Variants in SORBS3 observed in about 807,000 individuals in gnomAD.
SORBS3 encodes vinexin.
A neutral mutation model predicts 98.0 loss-of-function variants in SORBS3; 69 were observed. That is an observed-to-expected ratio of 0.70 (90% CI 0.58 to 0.86). The LOEUF (loss-of-function observed/expected upper bound fraction) is 0.86. SORBS3 is among the 40% of genes least tolerant of loss of function. The pLI is 0.00. For missense variants in SORBS3, 954 were observed against 908.5 expected (o/e 1.05, Z -0.64); for synonymous variants, 394 against 355.4 (o/e 1.11, Z -1.22).
chr8:22,565,689 C>G (rs896963012), intron 11 of SORBS3, 137 bp from the exon 12 acceptor site: 1 of 1,213,750 alleles, frequency 8.2e-7, no homozygotes, highest in African/African-American at 1.6e-5. Flanking sequence ...CGGGATCGGC[C>G]GCGCGGGCGC....
Position 22,565,301 on chromosome 8 carries a change from G to C in SORBS3, c.850G>C (p.Ala284Pro). 1.3e-6 allele frequency: 2 copies of C among 1,558,466 alleles called. No homozygotes were observed. Among genetic ancestry groups the C allele is most frequent in the Non-Finnish European group, 8.7e-7 (1 of 1,151,496 alleles). ...LLERELAELS[A>P]ELDKDLRAIE... is the part of the protein sequence containing the mutation. ...GGAGAGAGAGCTGGCCGAGCTGAGC[G>C]CCGAGCTGGACAAGGACCTGCGGGC... is the stretch of plus-strand genomic sequence containing the variant. Residue 284 changes from alanine to proline, a missense_variant, in exon 11 of 21, where the codon GCC (alanine) becomes CCC (proline). Coordinates refer to ENST00000240123, the MANE Select transcript of SORBS3 (RefSeq NM_005775.5).
chr8:22,571,788 C>T lies in SORBS3; in HGVS notation c.1814C>T (p.Ser605Phe). Residue 605 changes from serine (S) to phenylalanine (F), a missense_variant, in exon 19 of 21, where the codon TCC (serine) becomes TTC (phenylalanine). Transcript: ENST00000240123. Reference sequence around the variant, plus strand: ...AGCCATCCCCTGGACCTGGGGACCTCCTCTCCTAACACCTCTCAGATACAC... The same window carrying T: ...AGCCATCCCCTGGACCTGGGGACCTTCTCTCCTAACACCTCTCAGATACAC... ...GPSHPLDLGTSSPNTSQIHWT... is the reference protein window; with the variant it reads ...GPSHPLDLGTFSPNTSQIHWT... 1 of 1,613,814 alleles carries T rather than the reference C, an allele frequency of 6.2e-7. No homozygotes were observed. Among genetic ancestry groups the T allele is most frequent in the South Asian group, 1.1e-5 (1 of 91,074 alleles).
At chr8:22,547,447 G>T (rs979606212), upstream of SORBS3, among the ~76,000 whole-genome samples, 1 of 152,142 alleles carries the variant, frequency 6.6e-6, no homozygotes, top group Non-Finnish European at 1.5e-5. Flanking sequence ...TAAGGCGAAG[G>T]TTCATCATAG....
At chr8:22,565,136 G>C (rs1372387413) in intron 10 of SORBS3, 132 bp from the exon 11 acceptor site, 12 of 1,472,184 alleles carry the variant, frequency 8.2e-6, no homozygotes, top group South Asian at 1.3e-5. Context: ...GCAGGAGCCC[G>C]GCCCGTGCGC....
chr8:22,548,750 C>T (rs535239271), upstream of SORBS3, among the ~76,000 whole-genome samples: 112 of 152,258 alleles, frequency 7.4e-4, no homozygotes, highest in African/African-American at 2.3e-3. Context: ...GAACTGAGTC[C>T]GGGTTCATGT....
In SORBS3 at chr8:22,565,359, C is replaced by T. The variant is rs1296324029; in HGVS notation, c.903+5C>T. 6.5e-7 allele frequency: 1 copy of T among 1,547,716 alleles called. No homozygotes were observed. Among genetic ancestry groups the T allele is most frequent in the African/African-American group, 1.4e-5 (1 of 72,748 alleles). On this transcript the variant is annotated splice_donor_5th_base_variant and intron_variant, in intron 11 of 20. Transcript: ENST00000240123. ...ACCCGACTGCCGTCCCCCAAGGTAC[C>T]AGCCCCCAGGGTTCACCCGCGGGGC...
chr8:22,569,134 C>T lies in SORBS3; in HGVS notation c.1306-14C>T. The T allele has an allele frequency of 1.9e-6, 3 of 1,594,214 alleles. No individual in the cohort carries two copies. Among genetic ancestry groups the T allele is most frequent in the Non-Finnish European group, 2.6e-6 (3 of 1,169,518 alleles). On this transcript the variant is annotated splice_polypyrimidine_tract_variant and intron_variant, in intron 16 of 20. Transcript: ENST00000240123. ...GCCCAGGCCAAATCTTTCTCATGAC[C>T]TTTCTTCATGCAGGTGCTGCCCGCA...
chr8:22,551,878 C>G (rs968906389), upstream of SORBS3: 11 of 985,048 alleles, frequency 1.1e-5, no homozygotes, highest in South Asian at 4.7e-5. The surrounding 1 kb of genome is among the most constrained non-coding windows in gnomAD (Gnocchi z 5.8). Context: ...CGGCCCGGCC[C>G]GTCCTGACCC....
intron 16 of SORBS3, 82 bp downstream of exon 16, chr8:22,567,257 TCC>T: frequency 3.9e-6 from 4 of 1,020,556 alleles, no homozygotes; most frequent in Non-Finnish European, 5.9e-6. Flanking sequence ...ACCTTGGGTT[TCC>T]TAAAGCAAAA....
chr8:22,560,173 C>A (rs529295676), intron 5 of SORBS3, among the ~76,000 whole-genome samples: 1 of 151,988 alleles, frequency 6.6e-6, no homozygotes, highest in Admixed American at 6.5e-5. Context: ...GAATAGATGG[C>A]GTTTTAAAAG....
intron 20 of SORBS3, among the ~76,000 whole-genome samples, chr8:22,574,178 C>T (rs530082967): frequency 1.3e-5 from 2 of 152,020 alleles, no homozygotes; most frequent in African/African-American, 2.4e-5. Flanking sequence ...GGTTCCCCCC[C>T]CTCCTCCTCT....
At chr8:22,561,487 C>A in intron 6 of SORBS3, 114 bp downstream of exon 6, 1 of 1,164,556 alleles carries the variant, frequency 8.6e-7, no homozygotes, top group Non-Finnish European at 1.3e-6. Flanking sequence ...TGGCTCAGTT[C>A]AACCTGAGAG....
At chr8:22,574,632 A>G in intron 20 of SORBS3, 35 bp from the exon 21 acceptor site, 4 of 1,606,736 alleles carry the variant, frequency 2.5e-6, no homozygotes, top group Non-Finnish European at 3.4e-6. Context: ...TAAAGAAGGG[A>G]GTGGGGAAAG....
chr8:22,555,031 C>T, intron 3 of SORBS3, 51 bp downstream of exon 3: 1 of 1,463,992 alleles, frequency 6.8e-7, no homozygotes, highest in East Asian at 2.3e-5. Context: ...AGGGCCCTGC[C>T]ATCTGGCACT....
At chr8:22,547,415 G>C (rs1018557726), upstream of SORBS3, among the ~76,000 whole-genome samples, 3 of 151,978 alleles carry the variant, frequency 2.0e-5, no homozygotes, top group South Asian at 6.2e-4. Context: ...AAATGAAGCA[G>C]ACTTTTTAAT....
rs529882850 is a variant in SORBS3, at chr8:22,571,073, G to A, written c.1595G>A (p.Arg532His). ...DDGPQLPTSPRLTAAARSARH... is the reference protein window; with the variant it reads ...DDGPQLPTSPHLTAAARSARH... ...GGCCCCCAGCTCCCCACGTCTCCCCGCCTGACCGCTGCCGCCCGCTCAGCC... is the reference window on the plus strand; with the variant it reads ...GGCCCCCAGCTCCCCACGTCTCCCCACCTGACCGCTGCCGCCCGCTCAGCC... The change falls in exon 18 of 21, where the codon CGC becomes CAC. Residue 532 changes from arginine (R) to histidine (H), a missense_variant. By Grantham distance (29) the Arg-to-His change is conservative. Transcript: ENST00000240123. 38 of 1,611,670 alleles carry A rather than the reference G, an allele frequency of 2.4e-5. No individual in the cohort carries two copies. The highest frequency in any genetic ancestry group is 9.9e-5 in the South Asian group (9 of 90,970).
In SORBS3 at chr8:22,573,018, C is replaced by A. The variant is rs140805467; in HGVS notation, c.1954+572C>A. ...GCGGGCCCTGTGCAGGTCTCATCTT[C>A]AAAGGATGGGCCGTCCCCAGAGAGA... On this transcript the variant is annotated intron_variant, in intron 20 of 20. Transcript: ENST00000240123. Among the ~76,000 whole-genome samples the A allele has an allele frequency of 2.7e-3, 407 of 152,364 alleles. 2 individuals are homozygous for A. The highest frequency in any genetic ancestry group is 9.2e-3 in the African/African-American group (381 of 41,588).
upstream of SORBS3, among the ~76,000 whole-genome samples, chr8:22,551,011 C>T (rs79285904): frequency 0.036 from 5,473 of 152,250 alleles, 258 homozygotes; most frequent in African/African-American, 0.097. The surrounding 1 kb of genome is among the most constrained non-coding windows in gnomAD (Gnocchi z 5.8). Flanking sequence ...GATGGGGAGC[C>T]GGAAGGGCCG....
chr8:22,569,161 A>G lies in SORBS3; in HGVS notation c.1319A>G (p.Asp440Gly), dbSNP rs143294473. 182 of 1,606,714 alleles carry G rather than the reference A, an allele frequency of 1.1e-4. No individual in the cohort carries two copies. Among genetic ancestry groups the G allele is most frequent in the Middle Eastern group, 1.6e-4 (1 of 6,072 alleles). The stretch of plus-strand genomic sequence containing the variant: ...TTCTTCATGCAGGTGCTGCCCGCAG[A>G]TGAGATCCCTAAGCCCATCAAGCCC... ...PANYVEVLPA[D>G]EIPKPIKPPT... Residue 440 changes from aspartate to glycine, a missense_variant, in exon 17 of 21, where the codon GAT (aspartate) becomes GGT (glycine). Asp to Gly is a moderately conservative substitution (Grantham distance 94). Transcript: ENST00000240123.
Sources: allele counts gnomAD v4.1 joint callset (sites outside exome capture counted in the v4.1 genomes callset), GRCh38; gene constraint gnomAD v4.1.1; non-coding constraint Gnocchi (gnomAD v3.1); transcripts MANE v1.5; gene names NCBI Gene and HGNC (gene_info 2026-07-23, HGNC 2026-07-21).